CACNB2: variants seen among roughly 807,000 people sequenced by gnomAD.
CACNB2 encodes the protein voltage-dependent L-type calcium channel subunit beta-2.
In CACNB2, 42 loss-of-function variants were observed where a neutral mutation model predicts 73.3. That is an observed-to-expected ratio of 0.57 (90% CI 0.45 to 0.74). CACNB2 has a LOEUF of 0.74. Ranked by LOEUF, CACNB2 falls within the 30% of genes least tolerant of loss-of-function variation. The probability of loss-of-function intolerance (pLI) is 0.00; values close to 1 mark genes in which losing one functional copy is unlikely to be tolerated. For synonymous variants in CACNB2, 348 were observed against 310.3 expected (o/e 1.12, Z -1.28); for missense variants, 940 against 853.0 (o/e 1.10, Z -1.27).
At chr10:18,478,804 G>T (rs926990468) in intron 3 of CACNB2, among the ~76,000 whole-genome samples, 1 of 152,130 alleles carries the variant, frequency 6.6e-6, no homozygotes, top group African/African-American at 2.4e-5. Flanking sequence ...TTAAGGTTTG[G>T]TTGCATTCTT....
chr10:18,527,384 AC>A (rs1228456710), intron 9 of CACNB2, among the ~76,000 whole-genome samples: 1 of 152,170 alleles, frequency 6.6e-6, no homozygotes, highest in Non-Finnish European at 1.5e-5. Context: ...CTCAAAACAA[AC>A]AAAAAACAAA....
chr10:18,521,845 T>A (rs1280595573), intron 9 of CACNB2, among the ~76,000 whole-genome samples: 1 of 152,196 alleles, frequency 6.6e-6, no homozygotes, highest in Non-Finnish European at 1.5e-5. Flanking sequence ...CTTCTCCACA[T>A]TCCTTTCCTC....
At chr10:18,362,727 G>A (rs968614033) in intron 2 of CACNB2, among the ~76,000 whole-genome samples, 13 of 152,102 alleles carry the variant, frequency 8.5e-5, no homozygotes, top group African/African-American at 2.9e-4. Context: ...GACCAGCCTG[G>A]CCAACATGGT....
rs150512062 is a variant in CACNB2, at chr10:18,421,702, G to A, written c.333+19659G>A. Among the ~76,000 whole-genome samples the A allele has an allele frequency of 1.7e-3, 265 of 152,242 alleles. 1 individual carries two copies. The highest frequency in any genetic ancestry group is 6.8e-3 in the Middle Eastern group (2 of 294). On this transcript the variant is annotated intron_variant, in intron 3 of 13. Transcript: ENST00000324631. ...ATCTGTGAGCCTTCTCCAAAAAATAGCTTATATCTAAACAGCTTGGCTTAT... is the reference window on the plus strand; with the variant it reads ...ATCTGTGAGCCTTCTCCAAAAAATAACTTATATCTAAACAGCTTGGCTTAT...
At chr10:18,492,454 C>T (rs1229050543) in intron 3 of CACNB2, among the ~76,000 whole-genome samples, 1 of 151,944 alleles carries the variant, frequency 6.6e-6, no homozygotes, top group African/African-American at 2.4e-5. Context: ...AACCCCGTCT[C>T]TACTAAAAAT....
At chr10:18,184,388 T>C (rs1309929250) in intron 2 of CACNB2, among the ~76,000 whole-genome samples, 2 of 152,226 alleles carry the variant, frequency 1.3e-5, no homozygotes, top group Non-Finnish European at 2.9e-5. Flanking sequence ...TATCAAATTA[T>C]TGTGAAGATG....
chr10:18,353,188 G>A (rs2041780266), intron 2 of CACNB2, among the ~76,000 whole-genome samples: 1 of 152,138 alleles, frequency 6.6e-6, no homozygotes, highest in Admixed American at 6.5e-5. Flanking sequence ...GAGGCAGGTG[G>A]ATCACAAGGT....
chr10:18,393,060 T>A (rs1228269930), intron 2 of CACNB2, among the ~76,000 whole-genome samples: 2 of 151,930 alleles, frequency 1.3e-5, no homozygotes, highest in African/African-American at 4.8e-5. Flanking sequence ...AATACAAAAA[T>A]TAGCTGGGCA....
intron 2 of CACNB2, among the ~76,000 whole-genome samples, chr10:18,291,294 T>C (rs72784236): frequency 0.022 from 3,285 of 152,330 alleles, 50 homozygotes; most frequent in Non-Finnish European, 0.034. Context: ...ATTATTTTTC[T>C]TATTAGTAAT....
intron 3 of CACNB2, among the ~76,000 whole-genome samples, chr10:18,474,568 T>C (rs2048345041): frequency 1.3e-5 from 2 of 152,118 alleles, no homozygotes; most frequent in Non-Finnish European, 2.9e-5. Context: ...ACACGCACTT[T>C]CTCCTTAGTA....
At chr10:18,470,053 A>C (rs2048101559) in intron 3 of CACNB2, among the ~76,000 whole-genome samples, 2 of 152,192 alleles carry the variant, frequency 1.3e-5, no homozygotes, top group South Asian at 4.1e-4. Flanking sequence ...TATGAAAATT[A>C]ATGAACATTT....
chr10:18,426,058 G>C (rs1258517681), intron 3 of CACNB2, among the ~76,000 whole-genome samples: 1 of 152,128 alleles, frequency 6.6e-6, no homozygotes, highest in Non-Finnish European at 1.5e-5. Context: ...TTTCAGGATT[G>C]AACTGACTAT....
At chr10:18,466,268 C>T (rs1172050136) in intron 3 of CACNB2, among the ~76,000 whole-genome samples, 1 of 152,162 alleles carries the variant, frequency 6.6e-6, no homozygotes, top group Non-Finnish European at 1.5e-5. Context: ...GACAGTGTCG[C>T]TCTGTCACCC....
At chr10:18,230,377 G>A (rs540110470) in intron 2 of CACNB2, among the ~76,000 whole-genome samples, 5 of 152,082 alleles carry the variant, frequency 3.3e-5, no homozygotes, top group East Asian at 1.9e-4. Context: ...CTGTTCCCTC[G>A]ATCTTTTTTT....
chr10:18,523,192 C>T (rs2052098044), intron 9 of CACNB2, among the ~76,000 whole-genome samples: 1 of 151,906 alleles, frequency 6.6e-6, no homozygotes, highest in Non-Finnish European at 1.5e-5. Flanking sequence ...TGTCATTTAT[C>T]ACAATTTGGA....
intron 2 of CACNB2, among the ~76,000 whole-genome samples, chr10:18,348,897 T>C (rs558813326): frequency 3.9e-4 from 60 of 152,222 alleles, no homozygotes; most frequent in Non-Finnish European, 7.5e-4. Flanking sequence ...GGTGGGAAGA[T>C]CGTTTGAGCT....
At chr10:18,228,195 G>A (rs544553789) in intron 2 of CACNB2, among the ~76,000 whole-genome samples, 5 of 152,160 alleles carry the variant, frequency 3.3e-5, no homozygotes, top group South Asian at 2.1e-4. Flanking sequence ...AGGCCAAGGC[G>A]GGTGAATCAC....
chr10:18,535,642 G>C (rs550095193), intron 11 of CACNB2, among the ~76,000 whole-genome samples: 3 of 151,918 alleles, frequency 2.0e-5, no homozygotes, highest in Non-Finnish European at 2.9e-5. Context: ...GCGTGGTGGC[G>C]GGTGCCTGTA....
At chr10:18,337,799 C>A (rs1006046685) in intron 2 of CACNB2, among the ~76,000 whole-genome samples, 1 of 152,108 alleles carries the variant, frequency 6.6e-6, no homozygotes, top group Non-Finnish European at 1.5e-5. Flanking sequence ...AACTTTGCTG[C>A]AAATCATACC....
Sources: gnomAD v4.1 joint callset for allele counts (sites outside exome capture counted in the v4.1 genomes callset) on GRCh38, gnomAD v4.1.1 for gene constraint, MANE v1.5 for transcripts, NCBI Gene and HGNC (gene_info 2026-07-23, HGNC 2026-07-21) for gene names.